SERPINB12: variants seen among roughly 807,000 people sequenced by gnomAD.
SERPINB12 encodes serpin family B member 12.
Under a neutral mutation model 41.1 loss-of-function variants are expected in SERPINB12, and 57 were observed. The observed-to-expected ratio is 1.39, with a 90% CI of 1.12 to 1.73. SERPINB12 has a LOEUF of 1.73. SERPINB12 is among the 40% of genes most tolerant of loss of function. The pLI, the probability that SERPINB12 is intolerant of heterozygous loss-of-function variation, is 0.00. For synonymous variants in SERPINB12, 180 were observed against 181.3 expected, an observed-to-expected ratio of 0.99 and a Z score of 0.06; for missense variants, 536 against 501.9, an observed-to-expected ratio of 1.07 and a Z score of -0.65.
intron 5 of SERPINB12, among the ~76,000 whole-genome samples, chr18:63,561,811 T>C (rs1448551678): frequency 6.6e-6 from 1 of 152,138 alleles, no homozygotes; most frequent in Non-Finnish European, 1.5e-5. Context: ...TTGTTCTCAC[T>C]TATAAGTGGG....
chr18:63,536,023 A>G, the SERPINB12 span, among the ~76,000 whole-genome samples: 2 of 152,070 alleles, frequency 1.3e-5, no homozygotes, highest in East Asian at 3.8e-4. Context: ...TATTCAGAAC[A>G]TATAAATATT....
At chr18:63,552,537 T>C (rs140674336) in intron 1 of SERPINB12, among the ~76,000 whole-genome samples, 7 of 152,358 alleles carry the variant, frequency 4.6e-5, no homozygotes, top group Middle Eastern at 3.4e-3. Flanking sequence ...AATCAAATCT[T>C]AATGAGTGCT....
intron 1 of SERPINB12, among the ~76,000 whole-genome samples, chr18:63,546,628 T>C (rs1181165181): frequency 6.6e-6 from 1 of 150,646 alleles, no homozygotes; most frequent in East Asian, 1.9e-4. Context: ...TGCTTCATGG[T>C]CTTCTAGTAT....
At chr18:63,530,695 G>A in the SERPINB12 span, among the ~76,000 whole-genome samples, 3 of 152,090 alleles carry the variant, frequency 2.0e-5, no homozygotes, top group Non-Finnish European at 4.4e-5. Context: ...GCCCACAGAT[G>A]GTGTAATACA....
chr18:63,522,132 A>G, the SERPINB12 span, among the ~76,000 whole-genome samples: 1 of 152,254 alleles, frequency 6.6e-6, no homozygotes, highest in Non-Finnish European at 1.5e-5. Flanking sequence ...CTGATCATTT[A>G]CATAGTGTGA....
chr18:63,520,039 A>G, the SERPINB12 span, among the ~76,000 whole-genome samples: 119,827 of 152,048 alleles, frequency 0.79, 47,299 homozygotes, highest in Non-Finnish European at 0.82. Context: ...GCTCATCAGG[A>G]ATCTGTCCCT....
intron 1 of SERPINB12, among the ~76,000 whole-genome samples, chr18:63,547,833 C>CTGT (rs1910424208): frequency 6.6e-6 from 1 of 152,022 alleles, no homozygotes; most frequent in African/African-American, 2.4e-5. Flanking sequence ...CAGCTTCCTG[C>CTGT]AGGATATATA....
At chr18:63,565,028 AT>A (rs1321784407) in intron 6 of SERPINB12, among the ~76,000 whole-genome samples, 4 of 152,172 alleles carry the variant, frequency 2.6e-5, no homozygotes, top group African/African-American at 7.2e-5. Flanking sequence ...TCTACAAAAA[AT>A]AAAAAAAATT....
upstream of SERPINB12, among the ~76,000 whole-genome samples, chr18:63,538,405 G>T (rs974512314): frequency 3.3e-5 from 5 of 152,098 alleles, no homozygotes; most frequent in African/African-American, 1.2e-4. Context: ...TTATGGATTT[G>T]CCTATTCTGG....
In SERPINB12 at chr18:63,559,797, C is replaced by T. The variant is rs190649697; in HGVS notation, c.444+79C>T. 1.7e-5 allele frequency: 24 copies of T among 1,443,654 alleles called. No individual in the cohort carries two copies. In the Admixed American group the frequency reaches 4.1e-4, roughly 25 times the overall value. 89.4% of individuals were successfully genotyped at this position (1,443,654 alleles called of 1,614,324 possible). On this transcript the variant is annotated intron_variant, in intron 4 of 7. Transcript: ENST00000382768. Reference sequence around the variant, plus strand: ...ATCAGGGAGTAGCTGGGTTACTCACCTGCCATCTAGAACACAAACCTCTTT... The same window carrying T: ...ATCAGGGAGTAGCTGGGTTACTCACTTGCCATCTAGAACACAAACCTCTTT...
chr18:63,562,203 G>A (rs998329111), intron 5 of SERPINB12, among the ~76,000 whole-genome samples: 2 of 152,094 alleles, frequency 1.3e-5, no homozygotes, highest in South Asian at 2.1e-4. Flanking sequence ...CCCTTCTACC[G>A]GTGCCCGTGT....
intron 1 of SERPINB12, among the ~76,000 whole-genome samples, chr18:63,547,031 G>A (rs1910402845): frequency 6.6e-6 from 1 of 152,164 alleles, no homozygotes; most frequent in Admixed American, 6.5e-5. Flanking sequence ...AAACCCAGAG[G>A]AGATGTGATT....
chr18:63,539,664 A>C (rs899353174), upstream of SERPINB12, among the ~76,000 whole-genome samples: 2 of 152,096 alleles, frequency 1.3e-5, no homozygotes, highest in African/African-American at 4.8e-5. Context: ...GGGCACGTAC[A>C]CCAATGTCTG....
In SERPINB12 at chr18:63,564,099, T is replaced by G. The variant is rs1034472418; in HGVS notation, c.684T>G (p.Asp228Glu). The G allele has an allele frequency of 5.6e-6, 9 of 1,613,468 alleles. No individual in the cohort carries two copies. In the Admixed American group the frequency reaches 1.2e-4, roughly 21 times the overall value. ...ACTTTGACCATGAAAACACGGTGGA[T>G]GCACCTTTCTGTCTAAATGCGGTAG... is the stretch of plus-strand genomic sequence containing the variant. ...ETYFDHENTV[D>E]APFCLNANEN... The change falls in exon 6 of 8, where the codon GAT becomes GAG. Residue 228 changes from aspartate to glutamate, a missense_variant. Asp to Glu is a conservative substitution (Grantham distance 45, BLOSUM62 2). Coordinates refer to ENST00000382768, the MANE Select transcript of SERPINB12 (RefSeq NM_001307928.2).
Position 63,558,456 on chromosome 18 carries a change from GA to G in SERPINB12, c.280del (p.Thr94ArgfsTer12), listed in dbSNP as rs761396993. On this transcript the variant is annotated frameshift_variant, in exon 3 of 8. Transcript: ENST00000382768. LOFTEE classifies it high-confidence loss of function. ...TGGCTGACAGCTCTCTGGAGGGGCAGAAAAAAACGACAGAGCCTCTGGATCA... is the reference window on the plus strand; with the variant it reads ...TGGCTGACAGCTCTCTGGAGGGGCAGAAAAAACGACAGAGCCTCTGGATCA... The part of the protein sequence containing the change: ...VLADSSLEGQ[K>X]KTTEPLDQQA... The G allele has an allele frequency of 1.1e-5, 17 of 1,609,782 alleles. No individual in the cohort carries two copies. In the East Asian group the frequency reaches 1.3e-4, roughly 13 times the overall value.
chr18:63,524,420 G>C, the SERPINB12 span, among the ~76,000 whole-genome samples: 1 of 151,922 alleles, frequency 6.6e-6, no homozygotes, highest in African/African-American at 2.4e-5. Context: ...CTCCTGAGTA[G>C]CTGGGATTAC....
At chr18:63,565,651 G>C (rs1248126857) in intron 7 of SERPINB12, 39 bp downstream of exon 7, 1 of 1,565,870 alleles carries the variant, frequency 6.4e-7, no homozygotes, top group East Asian at 2.3e-5. Context: ...AATATTTAAT[G>C]ATAGATCTTT....
At chr18:63,522,143 C>T in the SERPINB12 span, among the ~76,000 whole-genome samples, 1 of 152,062 alleles carries the variant, frequency 6.6e-6, no homozygotes, top group African/African-American at 2.4e-5. Context: ...CATAGTGTGA[C>T]AAGAGTAATG....
rs1910896827 is a variant in SERPINB12, at chr18:63,561,180, C to G, written c.540C>G (p.Phe180Leu). The G allele has an allele frequency of 1.2e-6, 2 of 1,609,972 alleles. No homozygotes were observed. Among genetic ancestry groups the G allele is most frequent in the Non-Finnish European group, 1.7e-6 (2 of 1,176,450 alleles). Reference sequence around the variant, plus strand: ...AAAAATCCAGACAAGAGATTAACTTCTGGGTTGAATGTCAATCCCAAGGTA... The same window carrying G: ...AAAAATCCAGACAAGAGATTAACTTGTGGGTTGAATGTCAATCCCAAGGTA... ...NPEKSRQEINFWVECQSQGKI... is the reference protein window; with the variant it reads ...NPEKSRQEINLWVECQSQGKI... Residue 180 changes from phenylalanine to leucine, a missense_variant, in exon 5 of 8, where the codon TTC becomes TTG. Phe to Leu is a conservative substitution (Grantham distance 22). Coordinates refer to ENST00000382768, the MANE Select transcript of SERPINB12 (RefSeq NM_001307928.2).
Sources: allele counts gnomAD v4.1 joint callset (sites outside exome capture counted in the v4.1 genomes callset), GRCh38; gene constraint gnomAD v4.1.1; transcripts MANE v1.5; gene names NCBI Gene and HGNC (gene_info 2026-07-23, HGNC 2026-07-21).